Variants in OXR1 observed in about 807,000 individuals in gnomAD.
The protein encoded by OXR1 is oxidation resistance protein 1.
In OXR1, 41 loss-of-function variants were observed where a neutral mutation model predicts 104.6. That is an observed-to-expected ratio of 0.39 (90% CI 0.31 to 0.51). The LOEUF (loss-of-function observed/expected upper bound fraction) is 0.51. OXR1 is among the 20% of genes least tolerant of loss of function. The pLI is 0.77. For synonymous variants in OXR1, 348 were observed against 348.4 expected (o/e 1.00, Z 0.01); for missense variants, 955 against 1,031.9 (o/e 0.93, Z 1.02).
chr8:106,576,466 C>CAAAA (rs55917847), intron 3 of OXR1, among the ~76,000 whole-genome samples: 41 of 112,416 alleles, frequency 3.6e-4, no homozygotes, highest in Admixed American at 1.1e-3. Flanking sequence ...CACAGTTATT[C>CAAAA]AAAAAAAAAA....
intron 7 of OXR1, among the ~76,000 whole-genome samples, chr8:106,694,772 T>TA (rs1442737412): frequency 3.4e-5 from 4 of 118,798 alleles, no homozygotes; most frequent in African/African-American, 1.3e-4. Context: ...ATTTAATAGA[T>TA]AAATACATAT....
intron 2 of OXR1, among the ~76,000 whole-genome samples, chr8:106,499,563 G>A (rs1295828105): frequency 1.3e-5 from 2 of 152,098 alleles, no homozygotes; most frequent in East Asian, 1.9e-4. Flanking sequence ...TTACTGTGTA[G>A]GAATGATGAA....
intron 3 of OXR1, among the ~76,000 whole-genome samples, chr8:106,620,270 C>A (rs187733576): frequency 6.6e-6 from 1 of 151,972 alleles, no homozygotes; most frequent in African/African-American, 2.4e-5. Context: ...TTTTTAAAAT[C>A]TAAAATCACC....
intron 1 of OXR1, among the ~76,000 whole-genome samples, chr8:106,297,570 G>A (rs1563701984): frequency 6.6e-6 from 1 of 151,504 alleles, no homozygotes; most frequent in Non-Finnish European, 1.5e-5. Context: ...GTAAGTATTT[G>A]TGTATCTAAA....
intron 2 of OXR1, among the ~76,000 whole-genome samples, chr8:106,453,722 C>T (rs1180488907): frequency 6.6e-6 from 1 of 152,188 alleles, no homozygotes; most frequent in African/African-American, 2.4e-5. Context: ...GCCTTTCAGC[C>T]ATAATTCAGG....
chr8:106,404,953 C>T (rs1049507289), intron 2 of OXR1, among the ~76,000 whole-genome samples: 3 of 151,874 alleles, frequency 2.0e-5, no homozygotes, highest in Non-Finnish European at 2.9e-5. Context: ...GATCCACCCG[C>T]GTCAGCCTCC....
chr8:106,676,588 A>AT (rs1433168741), intron 3 of OXR1, among the ~76,000 whole-genome samples: 1 of 151,712 alleles, frequency 6.6e-6, no homozygotes, highest in East Asian at 1.9e-4. Context: ...CTGGGTTGGA[A>AT]TTTTTTTTAA....
intron 3 of OXR1, among the ~76,000 whole-genome samples, chr8:106,671,320 C>T (rs1323457674): frequency 2.0e-5 from 3 of 151,988 alleles, no homozygotes; most frequent in Non-Finnish European, 1.5e-5. Context: ...TGTGAAATTT[C>T]CCAGAGATAC....
chr8:106,364,616 ATAAT>A (rs1227973588), intron 2 of OXR1, among the ~76,000 whole-genome samples: 595 of 1,554 alleles, frequency 0.38, 5 homozygotes, highest in African/African-American at 0.49. Flanking sequence ...AAAAAAAGTA[ATAAT>A]TTTTTTTTAG....
At chr8:106,362,920 A>G (rs1816307785) in intron 2 of OXR1, among the ~76,000 whole-genome samples, 1 of 152,228 alleles carries the variant, frequency 6.6e-6, no homozygotes, top group Non-Finnish European at 1.5e-5. Flanking sequence ...GGAGGGTCTC[A>G]GTATGTTGAT....
At chr8:106,394,427 C>T (rs1817700540) in intron 2 of OXR1, among the ~76,000 whole-genome samples, 1 of 152,018 alleles carries the variant, frequency 6.6e-6, no homozygotes, top group East Asian at 1.9e-4. Context: ...ACACCAACAC[C>T]TGTGCTATGA....
At chr8:106,719,947 A>G (rs1212229263) in intron 11 of OXR1, among the ~76,000 whole-genome samples, 1 of 152,068 alleles carries the variant, frequency 6.6e-6, no homozygotes, top group Non-Finnish European at 1.5e-5. Flanking sequence ...CTGGGACTAC[A>G]GGCGCCCGCC....
intron 3 of OXR1, among the ~76,000 whole-genome samples, chr8:106,529,491 C>T (rs184893688): frequency 4.0e-5 from 6 of 151,898 alleles, no homozygotes; most frequent in South Asian, 4.2e-4. Flanking sequence ...ACCAAGGAAC[C>T]GGAGGTATTC....
intron 1 of OXR1, among the ~76,000 whole-genome samples, chr8:106,289,886 A>G (rs1812677169): frequency 6.6e-6 from 1 of 152,094 alleles, no homozygotes; most frequent in African/African-American, 2.4e-5. Flanking sequence ...AGTGAGTTCC[A>G]CCAGATCTGA....
chr8:106,662,850 ATGATGATGATG>A (rs2131098844), intron 3 of OXR1, among the ~76,000 whole-genome samples: 1 of 79,380 alleles, frequency 1.3e-5, no homozygotes, highest in East Asian at 3.1e-4. Context: ...GATGATGATG[ATGATGATGATG>A]ATGATGATGA....
At chr8:106,276,722 T>G (rs763332134) in intron 1 of OXR1, among the ~76,000 whole-genome samples, 1 of 148,346 alleles carries the variant, frequency 6.7e-6, no homozygotes, top group Non-Finnish European at 1.5e-5. Context: ...CTCAAGAGCT[T>G]CTCCTTTCAG....
intron 9 of OXR1, among the ~76,000 whole-genome samples, chr8:106,710,188 T>G (rs2131392198): frequency 6.6e-6 from 1 of 152,262 alleles, no homozygotes; most frequent in African/African-American, 2.4e-5. Context: ...AGAAACTTCA[T>G]TAAATTTTTG....
intron 2 of OXR1, among the ~76,000 whole-genome samples, chr8:106,408,216 T>C (rs2130498417): frequency 6.6e-6 from 1 of 152,338 alleles, no homozygotes; most frequent in Non-Finnish European, 1.5e-5. Flanking sequence ...GGTTCTTCTC[T>C]CTGGAATAGT....
At chr8:106,439,460 C>G (rs1193652080) in intron 2 of OXR1, among the ~76,000 whole-genome samples, 1 of 151,936 alleles carries the variant, frequency 6.6e-6, no homozygotes, top group African/African-American at 2.4e-5. Flanking sequence ...TTAGAGCAGC[C>G]CAAAATAAAA....
Sources: allele counts gnomAD v4.1 joint callset (sites outside exome capture counted in the v4.1 genomes callset), GRCh38; gene constraint gnomAD v4.1.1; transcripts MANE v1.5; gene names NCBI Gene and HGNC (gene_info 2026-07-23, HGNC 2026-07-21).